The following CSMD3 variants were observed in gnomAD, a reference collection of about 807,000 sequenced individuals.
CSMD3 encodes the protein CUB and sushi domain-containing protein 3.
A neutral mutation model predicts 435.2 loss-of-function variants in CSMD3; 177 were observed. The ratio of observed to expected loss-of-function variants is 0.41; its 90% CI spans 0.36 to 0.46. CSMD3 has a LOEUF of 0.46. Ranked by LOEUF, CSMD3 falls within the 20% of genes least tolerant of loss-of-function variation. The pLI, the probability that CSMD3 is intolerant of heterozygous loss-of-function variation, is 0.34. For synonymous variants in CSMD3, 1,656 were observed against 1,520.5 expected, an observed-to-expected ratio of 1.09 and a Z score of -2.07; for missense variants, 4,265 against 4,504.6, an observed-to-expected ratio of 0.95 and a Z score of 1.52.
intron 22 of CSMD3, among the ~76,000 whole-genome samples, chr8:112,591,123 G>A (rs748472983): frequency 1.3e-5 from 2 of 152,072 alleles, no homozygotes; most frequent in Non-Finnish European, 2.9e-5. Context: ...TATTTTCTGT[G>A]CAATTTCCAG....
intron 27 of CSMD3, among the ~76,000 whole-genome samples, chr8:112,545,164 A>C (rs1322613822): frequency 1.3e-5 from 2 of 152,128 alleles, no homozygotes; most frequent in East Asian, 1.9e-4. Context: ...CTGTTATACA[A>C]AATATCTGTC....
In CSMD3 at chr8:113,019,122, C is replaced by T. The variant is rs776263560; in HGVS notation, c.975G>A (p.Leu325=). Residue 325 remains leucine, a synonymous_variant, in exon 6 of 71, where the codon CTG becomes CTA. Coordinates refer to ENST00000297405, the MANE Select transcript of CSMD3 (RefSeq NM_198123.2). ...GATGATTGCTGTCTGTAACAAAATG[C>T]AGTCTGAGCCAGTTTTTGTTGCTGA... ...PIISNKNWLR[L]HFVTDSNHRY... The T allele has an allele frequency of 1.6e-5, 26 of 1,613,532 alleles. No homozygotes were observed. The highest frequency in any genetic ancestry group is 1.9e-5 in the Non-Finnish European group (23 of 1,179,688).
intron 4 of CSMD3, among the ~76,000 whole-genome samples, chr8:113,161,879 C>T (rs2092046988): frequency 6.6e-6 from 1 of 152,058 alleles, no homozygotes; most frequent in South Asian, 2.1e-4. Context: ...TTAGTTACCC[C>T]AAATAAGGTG....
chr8:112,958,043 A>C (rs2084094073), intron 7 of CSMD3, among the ~76,000 whole-genome samples: 2 of 150,818 alleles, frequency 1.3e-5, no homozygotes, highest in Admixed American at 6.6e-5. Flanking sequence ...ATGAATGAAT[A>C]TATATAATAT....
intron 13 of CSMD3, among the ~76,000 whole-genome samples, chr8:112,765,751 C>T (rs2077962413): frequency 6.6e-6 from 1 of 151,686 alleles, no homozygotes; most frequent in Non-Finnish European, 1.5e-5. Flanking sequence ...CAAGCCAGCT[C>T]CTTTCTTTGC....
intron 1 of CSMD3, among the ~76,000 whole-genome samples, chr8:113,399,078 CATATATATATAT>C (rs764141337): frequency 7.7e-5 from 7 of 90,836 alleles, no homozygotes; most frequent in South Asian, 8.4e-4. Context: ...AAGGATAGTT[CATATATATATAT>C]ATATATATAT....
At chr8:112,921,399 T>G (rs760783547) in intron 10 of CSMD3, among the ~76,000 whole-genome samples, 1 of 152,076 alleles carries the variant, frequency 6.6e-6, no homozygotes, top group Non-Finnish European at 1.5e-5. Context: ...TTGTATTACA[T>G]ACTTTATTCT....
intron 4 of CSMD3, among the ~76,000 whole-genome samples, chr8:113,115,071 G>A (rs191492196): frequency 1.8e-4 from 28 of 152,298 alleles, no homozygotes; most frequent in Admixed American, 9.2e-4. Context: ...AGCAATGGAC[G>A]TTTTAACAAG....
chr8:113,305,406 T>C (rs1483859171), intron 2 of CSMD3, among the ~76,000 whole-genome samples: 1 of 152,226 alleles, frequency 6.6e-6, no homozygotes, highest in Non-Finnish European at 1.5e-5. Flanking sequence ...TACAACATCA[T>C]GTGTAGTTTG....
chr8:112,412,164 G>C (rs1043157081), intron 32 of CSMD3, among the ~76,000 whole-genome samples: 1 of 151,688 alleles, frequency 6.6e-6, no homozygotes, highest in African/African-American at 2.4e-5. Context: ...ATTTAACTGG[G>C]AGTTAAATAA....
intron 1 of CSMD3, among the ~76,000 whole-genome samples, chr8:113,399,715 T>C (rs998859672): frequency 2.0e-5 from 3 of 151,738 alleles, no homozygotes; most frequent in Non-Finnish European, 4.4e-5. Context: ...TGGGGGAGAA[T>C]ACAAAATGTT....
chr8:112,884,574 G>A (rs1254392344), intron 10 of CSMD3, among the ~76,000 whole-genome samples: 5 of 151,704 alleles, frequency 3.3e-5, no homozygotes, highest in African/African-American at 7.3e-5. Context: ...AATTGAGGGG[G>A]AGTTGTGACA....
At chr8:112,445,206 G>A (rs535410196) in intron 32 of CSMD3, among the ~76,000 whole-genome samples, 2 of 152,236 alleles carry the variant, frequency 1.3e-5, no homozygotes, top group East Asian at 1.9e-4. Context: ...TTGCACCACC[G>A]CACTCCAGCC....
chr8:112,841,632 C>G (rs1387248390), intron 11 of CSMD3, among the ~76,000 whole-genome samples: 1 of 151,720 alleles, frequency 6.6e-6, no homozygotes, highest in Non-Finnish European at 1.5e-5. Flanking sequence ...TAGGATTTCC[C>G]AGGTAATGTC....
intron 33 of CSMD3, among the ~76,000 whole-genome samples, chr8:112,408,668 C>CAT (rs1219112240): frequency 6.6e-6 from 1 of 151,650 alleles, no homozygotes; most frequent in Non-Finnish European, 1.5e-5. Context: ...TTTTATATTA[C>CAT]ATTAAACACC....
Position 113,249,847 on chromosome 8 carries a change from A to C in CSMD3, c.514+28745T>G, listed in dbSNP as rs114687859. On this transcript the variant is annotated intron_variant, in intron 3 of 70. Coordinates refer to ENST00000297405, the MANE Select transcript of CSMD3 (RefSeq NM_198123.2). ...TGGCAATAGTATTCAAGAAAAAAAAAAACAACAATTTAAAGACTTGTTTAT... is the reference window on the plus strand; with the variant it reads ...TGGCAATAGTATTCAAGAAAAAAAACAACAACAATTTAAAGACTTGTTTAT... Among the ~76,000 whole-genome samples, 1,186 of 152,168 alleles carry C rather than the reference A, an allele frequency of 7.8e-3. 10 individuals carry two copies. The highest frequency in any genetic ancestry group is 0.027 in the African/African-American group (1,139 of 41,538).
intron 30 of CSMD3, among the ~76,000 whole-genome samples, chr8:112,495,401 G>A (rs1821237674): frequency 6.6e-6 from 1 of 152,156 alleles, no homozygotes; most frequent in African/African-American, 2.4e-5. Flanking sequence ...TAATGTCAGT[G>A]AAACTGTAAT....
rs888530776 is a variant in CSMD3 at position 112,257,777 on chromosome 8, C to A, written c.9863-2350G>T. On this transcript the variant is annotated intron_variant, in intron 61 of 70. Transcript: ENST00000297405. ...GACTTTCTTCACAGAATTGGAAAAACTACTTTAAACTTCAAATGAAATTAG... is the reference window on the plus strand; with the variant it reads ...GACTTTCTTCACAGAATTGGAAAAAATACTTTAAACTTCAAATGAAATTAG... 7.9e-5 allele frequency among the ~76,000 whole-genome samples: 12 copies of A among 152,250 alleles called. No homozygotes were observed. The East Asian group carries it at 1.7e-3, about 22-fold the overall frequency.
chr8:112,314,371 A>G (rs2130834897), intron 48 of CSMD3, 58 bp downstream of exon 48: 1 of 1,246,720 alleles, frequency 8.0e-7, no homozygotes, highest in Non-Finnish European at 1.2e-6. Flanking sequence ...GTTTACATGT[A>G]TAATTAGAAC....
Sources: gnomAD v4.1 joint callset for allele counts (sites outside exome capture counted in the v4.1 genomes callset) on GRCh38, gnomAD v4.1.1 for gene constraint, MANE v1.5 for transcripts, NCBI Gene and HGNC (gene_info 2026-07-23, HGNC 2026-07-21) for gene names.